SUFU: variants seen among roughly 807,000 people sequenced by gnomAD.
SUFU encodes the protein suppressor of fused homolog.
In SUFU, 7 loss-of-function variants were observed where a neutral mutation model predicts 58.9. The observed-to-expected ratio is 0.12, with a 90% CI of 0.07 to 0.22. The LOEUF (loss-of-function observed/expected upper bound fraction) is 0.22. Among genes scored for constraint, SUFU ranks in the 10% least tolerant of loss-of-function variants. The pLI, the probability that SUFU is intolerant of heterozygous loss-of-function variation, is 1.00. For missense variants in SUFU, 451 were observed against 641.3 expected (o/e 0.70, Z 3.20); for synonymous variants, 232 against 254.8 (o/e 0.91, Z 0.85).
chr10:102,521,653 A>G (rs1465221301), intron 2 of SUFU, among the ~76,000 whole-genome samples: 2 of 152,154 alleles, frequency 1.3e-5, no homozygotes, highest in Non-Finnish European at 2.9e-5. Context: ...TGTCCATTCC[A>G]TACCCTATTG....
chr10:102,515,832 A>G (rs1341915388), intron 2 of SUFU, among the ~76,000 whole-genome samples: 1 of 152,006 alleles, frequency 6.6e-6, no homozygotes, highest in Non-Finnish European at 1.5e-5. Flanking sequence ...TGGGGGGCAC[A>G]CCTCCCTGAA....
At chr10:102,584,510 T>G (rs1253823353) in intron 3 of SUFU, among the ~76,000 whole-genome samples, 1 of 152,224 alleles carries the variant, frequency 6.6e-6, no homozygotes, top group Non-Finnish European at 1.5e-5. Flanking sequence ...CTTGGTGATT[T>G]TGTCTCAGCT....
At chr10:102,597,089 G>A in intron 6 of SUFU, 51 bp from the exon 7 acceptor site, 5 of 1,607,948 alleles carry the variant, frequency 3.1e-6, no homozygotes, top group Non-Finnish European at 4.3e-6. Context: ...TGGTCACCTT[G>A]GGTCACCAGT....
intron 3 of SUFU, among the ~76,000 whole-genome samples, chr10:102,582,032 T>A (rs1240821170): frequency 6.6e-6 from 1 of 152,184 alleles, no homozygotes; most frequent in Non-Finnish European, 1.5e-5. Flanking sequence ...ACAGTCCAGC[T>A]GCGTTTCCTG....
intron 1 of SUFU, among the ~76,000 whole-genome samples, chr10:102,505,049 A>G (rs1162832728): frequency 1.3e-5 from 2 of 152,062 alleles, no homozygotes; most frequent in Non-Finnish European, 2.9e-5. Context: ...GCTTTAGGGC[A>G]TTAGGTAGAG....
intron 10 of SUFU, among the ~76,000 whole-genome samples, chr10:102,622,341 C>T (rs1177160001): frequency 6.6e-6 from 1 of 152,196 alleles, no homozygotes; most frequent in African/African-American, 2.4e-5. Context: ...TGCGGTGGCT[C>T]ACGCCTGTAA....
chr10:102,593,921 GGGCA>G lies in SUFU; in HGVS notation c.684-68_684-65del, dbSNP rs1564697348. 5 of 1,571,990 alleles carry G rather than the reference GGGCA, an allele frequency of 3.2e-6. No homozygotes were observed. In the African/African-American group the frequency reaches 6.7e-5, roughly 21 times the overall value. ...TGTCCTAGGCCTGGGGCAGCAAACA[GGGCA>G]GGCTGTAGGCCCAGCCCATCAGCCC... On this transcript the variant is annotated intron_variant, in intron 5 of 11. Transcript: ENST00000369902.
intron 5 of SUFU, 82 bp from the exon 6 acceptor site, chr10:102,593,911 G>T: frequency 8.5e-6 from 13 of 1,536,510 alleles, no homozygotes; most frequent in Non-Finnish European, 1.2e-5. Context: ...TAGGCCTGGG[G>T]CAGCAAACAG....
intron 1 of SUFU, among the ~76,000 whole-genome samples, chr10:102,508,567 C>T (rs1243419117): frequency 1.3e-5 from 2 of 152,234 alleles, no homozygotes; most frequent in African/African-American, 4.8e-5. Flanking sequence ...GCCTTTGTCA[C>T]TTGCAATGAT....
intron 2 of SUFU, among the ~76,000 whole-genome samples, chr10:102,536,618 T>G (rs762432073): frequency 6.6e-6 from 1 of 152,000 alleles, no homozygotes; most frequent in Non-Finnish European, 1.5e-5. Context: ...TGCCTCGGCC[T>G]CCCAAAGTGT....
chr10:102,614,321 C>T (rs568762597), intron 8 of SUFU, among the ~76,000 whole-genome samples: 22 of 151,470 alleles, frequency 1.5e-4, no homozygotes, highest in Non-Finnish European at 2.8e-4. Context: ...TTTGGGAGGC[C>T]GAGGTAGGCA....
chr10:102,517,871 C>G (rs1349718610), intron 2 of SUFU, among the ~76,000 whole-genome samples: 3 of 152,310 alleles, frequency 2.0e-5, no homozygotes, highest in Non-Finnish European at 4.4e-5. Flanking sequence ...CTTGAGTCCC[C>G]TGTACAGGCA....
intron 2 of SUFU, among the ~76,000 whole-genome samples, chr10:102,547,814 AAGAG>A (rs1262041778): frequency 1.3e-5 from 2 of 151,838 alleles, no homozygotes; most frequent in Non-Finnish European, 2.9e-5. Flanking sequence ...CTCGGAAAGA[AAGAG>A]AGAGAGGCGG....
At chr10:102,588,006 A>G (rs1315064255) in intron 3 of SUFU, among the ~76,000 whole-genome samples, 4 of 152,186 alleles carry the variant, frequency 2.6e-5, no homozygotes, top group Non-Finnish European at 5.9e-5. Context: ...AAGAGCTCCA[A>G]CTTTATCCTT....
At chr10:102,553,854 G>A (rs2062946262) in intron 3 of SUFU, among the ~76,000 whole-genome samples, 1 of 152,358 alleles carries the variant, frequency 6.6e-6, no homozygotes, top group South Asian at 2.1e-4. Context: ...AGCACTTCAG[G>A]AGGCCAAGGT....
At chr10:102,554,027 A>ACAGG (rs1411709623) in intron 3 of SUFU, among the ~76,000 whole-genome samples, 3 of 152,228 alleles carry the variant, frequency 2.0e-5, no homozygotes, top group Non-Finnish European at 4.4e-5. Flanking sequence ...CCTGGAAGGT[A>ACAGG]CAGGCAGCAG....
chr10:102,524,243 C>T (rs963563593), intron 2 of SUFU, among the ~76,000 whole-genome samples: 48 of 151,168 alleles, frequency 3.2e-4, no homozygotes, highest in African/African-American at 1.1e-3. Context: ...TGGACTCAAG[C>T]GATCCTTCTG....
chr10:102,543,059 C>T (rs2062820748), intron 2 of SUFU, among the ~76,000 whole-genome samples: 2 of 152,102 alleles, frequency 1.3e-5, no homozygotes, highest in Non-Finnish European at 2.9e-5. Flanking sequence ...CAGTATTTTG[C>T]AATTATAAGT....
At chr10:102,583,159 G>T (rs1252035201) in intron 3 of SUFU, among the ~76,000 whole-genome samples, 2 of 152,218 alleles carry the variant, frequency 1.3e-5, no homozygotes, top group African/African-American at 4.8e-5. Flanking sequence ...ACTCAAGAAT[G>T]AACTCATTGT....
Sources: allele counts gnomAD v4.1 joint callset (sites outside exome capture counted in the v4.1 genomes callset), GRCh38; gene constraint gnomAD v4.1.1; transcripts MANE v1.5; gene names NCBI Gene and HGNC (gene_info 2026-07-23, HGNC 2026-07-21).